Variants in PCOLCE2 observed in about 807,000 individuals in gnomAD.
PCOLCE2 encodes procollagen C-proteinase enhancer 2.
A neutral mutation model predicts 47.0 loss-of-function variants in PCOLCE2; 42 were observed. That is an observed-to-expected ratio of 0.89 (90% confidence interval 0.70 to 1.16). The LOEUF is 1.16. Among genes scored for constraint, PCOLCE2 ranks in the 50% most tolerant of loss-of-function variants. The probability of loss-of-function intolerance (pLI) is 0.00; values close to 1 mark genes in which losing one functional copy is unlikely to be tolerated. For synonymous variants in PCOLCE2, 169 were observed against 191.7 expected, an observed-to-expected ratio of 0.88 and a Z score of 0.98; for missense variants, 500 against 526.1, an observed-to-expected ratio of 0.95 and a Z score of 0.49.
At chr3:142,882,976 G>A (rs1933654440) in intron 2 of PCOLCE2, among the ~76,000 whole-genome samples, 1 of 151,910 alleles carries the variant, frequency 6.6e-6, no homozygotes, top group Admixed American at 6.6e-5. Context: ...CGAGGCGGGT[G>A]GATCACGAGG....
chr3:142,860,449 GTTT>G (rs1410420754), intron 2 of PCOLCE2, among the ~76,000 whole-genome samples: 1 of 149,704 alleles, frequency 6.7e-6, no homozygotes, highest in African/African-American at 2.5e-5. Flanking sequence ...TGTTGTTGTT[GTTT>G]TGTTTGATTG....
intron 6 of PCOLCE2, among the ~76,000 whole-genome samples, chr3:142,826,287 G>A (rs1308779364): frequency 6.6e-6 from 1 of 152,146 alleles, no homozygotes; most frequent in Non-Finnish European, 1.5e-5. Context: ...GATTACAGGT[G>A]TAAGCCACCG....
chr3:142,838,924 T>G lies in PCOLCE2; in HGVS notation c.574-18A>C. On this transcript the variant is annotated intron_variant, in intron 4 of 8. Coordinates refer to ENST00000295992, the MANE Select transcript of PCOLCE2 (RefSeq NM_013363.4). Reference sequence around the variant, plus strand: ...TCTATAAGCTTTAGAGAAAGCACAATAGAAGTGTCAAATATTAATAGCATT... The same window carrying G: ...TCTATAAGCTTTAGAGAAAGCACAAGAGAAGTGTCAAATATTAATAGCATT... 6.3e-7 allele frequency: 1 copy of G among 1,596,076 alleles called. No individual in the cohort carries two copies. Among genetic ancestry groups the G allele is most frequent in the Non-Finnish European group, 8.6e-7 (1 of 1,164,140 alleles).
chr3:142,855,705 A>C (rs4306826), intron 2 of PCOLCE2, among the ~76,000 whole-genome samples: 91,136 of 151,972 alleles, frequency 0.6, 27,837 homozygotes, highest in Non-Finnish European at 0.66. Context: ...TGCACCCATT[A>C]CCTCCAGGCC....
At chr3:142,871,034 A>G (rs1280374703) in intron 2 of PCOLCE2, among the ~76,000 whole-genome samples, 1 of 152,122 alleles carries the variant, frequency 6.6e-6, no homozygotes, top group African/African-American at 2.4e-5. Context: ...TCAAAGACAG[A>G]CCCCTGGCCT....
rs915730470 is a variant in PCOLCE2, at chr3:142,889,079, G to T, written c.-183C>A. 2.6e-6 allele frequency: 1 copy of T among 383,162 alleles called. No individual in the cohort carries two copies. 23.7% of individuals were successfully genotyped at this position (383,162 alleles called of 1,614,324 possible). On this transcript the variant is annotated 5_prime_UTR_variant, in exon 1 of 9. Transcript: ENST00000295992. ...CGCGGGGCGGCCCAGGTAGCCGGGG[G>T]ATACGCGGCCGGCAGGGCGGAGGCA...
chr3:142,845,593 G>GT (rs1937318228), intron 3 of PCOLCE2, among the ~76,000 whole-genome samples: 1 of 152,134 alleles, frequency 6.6e-6, no homozygotes, highest in Non-Finnish European at 1.5e-5. Flanking sequence ...GATTTTTAGT[G>GT]TTTATCTGAA....
At chr3:142,846,558 A>G (rs1347780343) in intron 3 of PCOLCE2, 2 of 152,210 alleles carry the variant, frequency 1.3e-5, no homozygotes, top group East Asian at 1.9e-4. Context: ...AAGTCATAAT[A>G]TCTTTAAATA....
chr3:142,849,089 C>T (rs1029318940), intron 2 of PCOLCE2, among the ~76,000 whole-genome samples: 1 of 151,548 alleles, frequency 6.6e-6, no homozygotes, highest in African/African-American at 2.4e-5. Context: ...GGAGGCGGAG[C>T]TTGCAGTGAG....
chr3:142,888,056 G>A (rs1933748258), intron 1 of PCOLCE2, among the ~76,000 whole-genome samples: 1 of 152,204 alleles, frequency 6.6e-6, no homozygotes, highest in Non-Finnish European at 1.5e-5. Flanking sequence ...AGTCTTGTAG[G>A]AAAATGGTAA....
intron 5 of PCOLCE2, among the ~76,000 whole-genome samples, chr3:142,835,813 T>C (rs1301303957): frequency 6.6e-6 from 1 of 152,140 alleles, no homozygotes; most frequent in South Asian, 2.1e-4. Flanking sequence ...AGTTAATTTT[T>C]TTAAAAAAAT....
At chr3:142,838,632 GAACT>G in intron 5 of PCOLCE2, 134 bp downstream of exon 5, 1 of 723,530 alleles carries the variant, frequency 1.4e-6, no homozygotes, top group Non-Finnish European at 2.3e-6. Context: ...AGCAGTGCGA[GAACT>G]AATAGAGGAC....
In PCOLCE2 at chr3:142,834,830, G is replaced by A. The variant is rs370765845; in HGVS notation, c.710+3940C>T. 3.5e-4 allele frequency among the ~76,000 whole-genome samples: 53 copies of A among 152,066 alleles called. 1 individual carries two copies. In the East Asian group the frequency reaches 6.4e-3, roughly 18 times the overall value. ...TTGTTTTTGTGTCAGGTTCATACTA[G>A]CTTTATAAAATTAGTTGTGGAACAA... On this transcript the variant is annotated intron_variant, in intron 5 of 8. Transcript: ENST00000295992.
At chr3:142,821,928 T>G (rs943778135) in intron 7 of PCOLCE2, among the ~76,000 whole-genome samples, 24 of 152,114 alleles carry the variant, frequency 1.6e-4, no homozygotes, top group African/African-American at 4.6e-4. Context: ...TGTTGTTGTT[T>G]TTTCATGAGA....
At chr3:142,844,766 T>C (rs898925339) in intron 3 of PCOLCE2, among the ~76,000 whole-genome samples, 3 of 152,252 alleles carry the variant, frequency 2.0e-5, no homozygotes, top group Non-Finnish European at 2.9e-5. Context: ...CGTTGAGTTG[T>C]ATGAGTTCTT....
At chr3:142,879,139 G>C (rs773842253) in intron 2 of PCOLCE2, among the ~76,000 whole-genome samples, 8 of 151,718 alleles carry the variant, frequency 5.3e-5, no homozygotes, top group Non-Finnish European at 8.8e-5. Context: ...ATGCCTTCTT[G>C]ATTTACACTA....
chr3:142,864,805 C>T (rs1323213033), intron 2 of PCOLCE2, among the ~76,000 whole-genome samples: 1 of 152,190 alleles, frequency 6.6e-6, no homozygotes, highest in Non-Finnish European at 1.5e-5. Flanking sequence ...AGCATAGTGT[C>T]TCTGAGGTCC....
intron 2 of PCOLCE2, among the ~76,000 whole-genome samples, chr3:142,865,685 A>T (rs947700656): frequency 2.0e-5 from 3 of 152,246 alleles, no homozygotes; most frequent in Non-Finnish European, 2.9e-5. Context: ...GTAAAAATTA[A>T]AACACAAGAA....
intron 2 of PCOLCE2, among the ~76,000 whole-genome samples, chr3:142,865,303 T>C (rs1042594923): frequency 6.6e-6 from 1 of 152,110 alleles, no homozygotes; most frequent in African/African-American, 2.4e-5. Context: ...GAAATGTCTA[T>C]TCAAATCTTT....
Sources: gnomAD v4.1 joint callset for allele counts (sites outside exome capture counted in the v4.1 genomes callset) on GRCh38, gnomAD v4.1.1 for gene constraint, MANE v1.5 for transcripts, NCBI Gene and HGNC (gene_info 2026-07-23, HGNC 2026-07-21) for gene names.